Variants in KLHL2 observed in about 807,000 individuals in gnomAD.
KLHL2 encodes the protein kelch-like protein 2.
A neutral mutation model predicts 75.8 loss-of-function variants in KLHL2; 15 were observed. The observed-to-expected ratio is 0.20, with a 90% CI of 0.13 to 0.30. The LOEUF (loss-of-function observed/expected upper bound fraction) is 0.30. KLHL2 is among the 10% of genes least tolerant of loss of function. The pLI is 1.00. For synonymous variants in KLHL2, 214 were observed against 251.9 expected (o/e 0.85, Z 1.42); for missense variants, 381 against 741.0 (o/e 0.51, Z 5.64).
At chr4:165,250,040 T>C (rs980241711) in intron 4 of KLHL2, among the ~76,000 whole-genome samples, 2 of 151,426 alleles carry the variant, frequency 1.3e-5, no homozygotes, top group Admixed American at 6.6e-5. Flanking sequence ...AGGAGAATGG[T>C]GTGAACCCAG....
chr4:165,304,975 TA>T (rs1374678022), intron 8 of KLHL2, among the ~76,000 whole-genome samples: 1 of 152,230 alleles, frequency 6.6e-6, no homozygotes, highest in East Asian at 1.9e-4. Flanking sequence ...TTCTCAAAAG[TA>T]GACTTTTATG....
At chr4:165,229,569 C>A (rs1190137477) in intron 3 of KLHL2, among the ~76,000 whole-genome samples, 1 of 152,098 alleles carries the variant, frequency 6.6e-6, no homozygotes, top group Non-Finnish European at 1.5e-5. Context: ...TACCAAAAAG[C>A]AAAAATACAA....
intron 5 of KLHL2, chr4:165,279,311 A>G (rs1170808687): frequency 1.6e-5 from 25 of 1,556,952 alleles, no homozygotes; most frequent in Non-Finnish European, 2.1e-5. Flanking sequence ...AAGCCACACC[A>G]CAGCATTGTA....
intron 4 of KLHL2, among the ~76,000 whole-genome samples, chr4:165,244,190 C>T (rs1316393025): frequency 4.6e-5 from 7 of 152,092 alleles, no homozygotes; most frequent in African/African-American, 1.4e-4. Flanking sequence ...TCCAGTAGCA[C>T]GTTGATCAAG....
At chr4:165,277,764 C>T in intron 5 of KLHL2, 1 of 603,848 alleles carries the variant, frequency 1.7e-6, no homozygotes, top group East Asian at 2.8e-5. Flanking sequence ...CACACACACA[C>T]ACACACACAC....
chr4:165,297,584 T>G (rs768850434), intron 6 of KLHL2, 25 bp from the exon 7 acceptor site: 11 of 1,371,432 alleles, frequency 8.0e-6, no homozygotes, highest in Non-Finnish European at 1.1e-5. Context: ...TTTCTTATTT[T>G]TTCTTCTCCT....
intron 4 of KLHL2, 106 bp from the exon 5 acceptor site, chr4:165,263,091 G>A (rs1488985085): frequency 1.1e-5 from 10 of 896,236 alleles, no homozygotes; most frequent in Admixed American, 9.3e-5. Flanking sequence ...GGGTATGGAC[G>A]CAGATAATAA....
At chr4:165,234,740 G>A (rs1739191568) in intron 3 of KLHL2, among the ~76,000 whole-genome samples, 1 of 149,656 alleles carries the variant, frequency 6.7e-6, no homozygotes, top group East Asian at 2.0e-4. Flanking sequence ...TCAGCCTCCT[G>A]AGTAGCTGGG....
chr4:165,219,138 A>T (rs1202671703), intron 1 of KLHL2, among the ~76,000 whole-genome samples: 1 of 152,210 alleles, frequency 6.6e-6, no homozygotes, highest in Non-Finnish European at 1.5e-5. Flanking sequence ...TCATGTAGCA[A>T]TGCTAGTATA....
At chr4:165,215,019 G>C (rs1737443989) in intron 1 of KLHL2, among the ~76,000 whole-genome samples, 1 of 151,994 alleles carries the variant, frequency 6.6e-6, no homozygotes, top group African/African-American at 2.4e-5. Context: ...CATGTCTATA[G>C]GGCAAATGTT....
chr4:165,278,573 C>G, intron 5 of KLHL2: 6 of 1,610,068 alleles, frequency 3.7e-6, no homozygotes, highest in South Asian at 1.1e-5. Context: ...GACGAAGTAG[C>G]AGCCATAAGA....
At chr4:165,222,447 T>G (rs1258054638) in intron 2 of KLHL2, among the ~76,000 whole-genome samples, 1 of 152,168 alleles carries the variant, frequency 6.6e-6, no homozygotes, top group Non-Finnish European at 1.5e-5. Flanking sequence ...TGTGGCACCC[T>G]TTCAGCAGCT....
At chr4:165,263,434 G>T in intron 5 of KLHL2, 75 bp downstream of exon 5, 4 of 1,568,292 alleles carry the variant, frequency 2.6e-6, no homozygotes, top group Non-Finnish European at 2.6e-6. Context: ...GTGGTCTCTG[G>T]AAAGTCATGT....
At chr4:165,225,694 T>TAC (rs1172507202) in intron 2 of KLHL2, among the ~76,000 whole-genome samples, 1 of 152,238 alleles carries the variant, frequency 6.6e-6, no homozygotes, top group East Asian at 1.9e-4. Flanking sequence ...AGACTCAGTG[T>TAC]ACACACACTG....
At chr4:165,271,233 C>T (rs536123626) in intron 5 of KLHL2, among the ~76,000 whole-genome samples, 175 of 152,072 alleles carry the variant, frequency 1.2e-3, no homozygotes, top group African/African-American at 4.0e-3. Flanking sequence ...CTGTAGATTG[C>T]TTTGGACAGT....
chr4:165,293,052 C>T (rs905511571), intron 5 of KLHL2, among the ~76,000 whole-genome samples: 1 of 152,164 alleles, frequency 6.6e-6, no homozygotes, highest in Non-Finnish European at 1.5e-5. Context: ...ATTACGTTAA[C>T]TGCCCAAGGT....
Position 165,299,605 on chromosome 4 carries a change from A to G in KLHL2, c.870A>G (p.Ile290Met). Residue 290 changes from isoleucine to methionine, a missense_variant, in exon 8 of 15, where the codon ATA becomes ATG. This residue lies in a region of KLHL2 where 111 missense variants were observed against 150.1 expected (regional missense o/e 0.74). Coordinates refer to ENST00000226725, the MANE Select transcript of KLHL2 (RefSeq NM_007246.4). Reference protein sequence around the residue: ...KYHLLPTEQRILMKSVRTRLR... With the variant: ...KYHLLPTEQRMLMKSVRTRLR... ...ATTTGCTGCCAACAGAGCAGCGTAT[A>G]TTAATGAAGAGTGTCCGGACCCGGC... 4 of 1,613,910 alleles carry G rather than the reference A, an allele frequency of 2.5e-6. No individual in the cohort carries two copies. Among genetic ancestry groups the G allele is most frequent in the South Asian group, 2.2e-5 (2 of 91,062 alleles).
chr4:165,307,024 G>A (rs1459846118), intron 9 of KLHL2, among the ~76,000 whole-genome samples: 1 of 152,170 alleles, frequency 6.6e-6, no homozygotes, highest in Non-Finnish European at 1.5e-5. Context: ...AAAACTTTAT[G>A]TGGGGCCAGG....
chr4:165,230,727 G>A (rs1738816718), intron 3 of KLHL2, among the ~76,000 whole-genome samples: 1 of 152,154 alleles, frequency 6.6e-6, no homozygotes, highest in Admixed American at 6.5e-5. Context: ...CCAGTGAAAT[G>A]GATGCTAGGT....
Sources: allele counts gnomAD v4.1 joint callset (sites outside exome capture counted in the v4.1 genomes callset), GRCh38; gene constraint gnomAD v4.1.1; regional missense constraint gnomAD v4.1.1; transcripts MANE v1.5; gene names NCBI Gene and HGNC (gene_info 2026-07-23, HGNC 2026-07-21).